Variants in SCN8A observed in about 807,000 individuals in gnomAD.
SCN8A encodes sodium voltage-gated channel alpha subunit 8, also known as sodium channel protein type 8 subunit alpha.
A neutral mutation model predicts 184.1 loss-of-function variants in SCN8A; 30 were observed. That is an observed-to-expected ratio of 0.16 (90% CI 0.12 to 0.22). SCN8A has a LOEUF of 0.22. Ranked by LOEUF, SCN8A falls within the 10% of genes least tolerant of loss-of-function variation. SCN8A has a pLI of 1.00. For missense variants in SCN8A, 1,057 were observed against 2,498.9 expected, an observed-to-expected ratio of 0.42 and a Z score of 12.30; for synonymous variants, 852 against 907.0, an observed-to-expected ratio of 0.94 and a Z score of 1.09.
intron 11 of SCN8A, among the ~76,000 whole-genome samples, chr12:51,720,369 A>G (rs1795862445): frequency 1.3e-5 from 2 of 149,488 alleles, no homozygotes; most frequent in African/African-American, 4.9e-5. Context: ...AAAACCAAAT[A>G]CTGCATATTC....
intron 4 of SCN8A, 30 bp from the exon 5 acceptor site, chr12:51,687,061 A>T: frequency 6.2e-7 from 1 of 1,612,468 alleles, no homozygotes; most frequent in Non-Finnish European, 8.5e-7. Flanking sequence ...CTGTCCAGAA[A>T]TTACCTCAAG....
At chr12:51,767,364 C>T (rs1942854546) in intron 16 of SCN8A, among the ~76,000 whole-genome samples, 1 of 152,196 alleles carries the variant, frequency 6.6e-6, no homozygotes, top group South Asian at 2.1e-4. Context: ...TTTTCAGGTT[C>T]CCCTTTGCTC....
intron 1 of SCN8A, among the ~76,000 whole-genome samples, chr12:51,591,650 G>T (rs1229937927): frequency 1.3e-5 from 2 of 152,168 alleles, no homozygotes; most frequent in South Asian, 2.1e-4. Flanking sequence ...CTACAGTGAG[G>T]GACACGGCCC....
At chr12:51,684,655 A>T (rs1350571533) in intron 3 of SCN8A, among the ~76,000 whole-genome samples, 1 of 152,210 alleles carries the variant, frequency 6.6e-6, no homozygotes, top group East Asian at 1.9e-4. Context: ...GAGGTTTTTG[A>T]AAGTCCTTCT....
chr12:51,686,302 G>T, intron 3 of SCN8A, 66 bp from the exon 4 acceptor site: 1 of 921,234 alleles, frequency 1.1e-6, no homozygotes, highest in Non-Finnish European at 1.8e-6. Flanking sequence ...CAATGGAAAT[G>T]TGTTTGTTTT....
At chr12:51,747,754 A>T (rs971536497) in intron 13 of SCN8A, among the ~76,000 whole-genome samples, 1 of 152,116 alleles carries the variant, frequency 6.6e-6, no homozygotes, top group Non-Finnish European at 1.5e-5. Context: ...TGAGTTGGAT[A>T]CAAACCATTG....
chr12:51,677,818 G>A (rs894789308), intron 2 of SCN8A, among the ~76,000 whole-genome samples: 2 of 152,182 alleles, frequency 1.3e-5, no homozygotes, highest in African/African-American at 4.8e-5. Context: ...TTCAGTGGCT[G>A]TTGTTGTAAA....
chr12:51,593,487 A>G (rs1040101762), intron 1 of SCN8A, among the ~76,000 whole-genome samples: 2 of 152,204 alleles, frequency 1.3e-5, no homozygotes, highest in Admixed American at 6.5e-5. Flanking sequence ...AGGATAATCA[A>G]GTGGAATACT....
intron 2 of SCN8A, among the ~76,000 whole-genome samples, chr12:51,672,413 A>G (rs1367239605): frequency 6.6e-6 from 1 of 152,086 alleles, no homozygotes; most frequent in Non-Finnish European, 1.5e-5. Context: ...CCTGACTCTT[A>G]TATCTCTTTA....
At chr12:51,755,310 T>C (rs1452418298) in intron 14 of SCN8A, among the ~76,000 whole-genome samples, 1 of 152,260 alleles carries the variant, frequency 6.6e-6, no homozygotes, top group African/African-American at 2.4e-5. Context: ...TTATCTGAGT[T>C]ACAATCCATT....
intron 2 of SCN8A, among the ~76,000 whole-genome samples, chr12:51,667,459 A>G (rs573915508): frequency 1.1e-4 from 16 of 151,594 alleles, no homozygotes; most frequent in South Asian, 1.0e-3. Context: ...CTCCTGGGCA[A>G]CCTCCATCTC....
At chr12:51,738,667 G>C (rs898605838) in intron 12 of SCN8A, among the ~76,000 whole-genome samples, 1 of 152,314 alleles carries the variant, frequency 6.6e-6, no homozygotes, top group East Asian at 1.9e-4. Context: ...TCCTGGCTCT[G>C]CTTTCCAGGG....
chr12:51,693,862 A>G (rs1248910023), intron 6 of SCN8A, among the ~76,000 whole-genome samples: 1 of 152,178 alleles, frequency 6.6e-6, no homozygotes, highest in Non-Finnish European at 1.5e-5. Flanking sequence ...CATTGCTTCA[A>G]ACCACTTAGA....
intron 2 of SCN8A, among the ~76,000 whole-genome samples, chr12:51,682,588 G>T (rs1192779633): frequency 6.6e-6 from 1 of 152,012 alleles, no homozygotes; most frequent in Non-Finnish European, 1.5e-5. Context: ...TGGCATCGAA[G>T]GTTATCATTA....
In SCN8A at chr12:51,806,355, T is replaced by C. The variant is rs1330719632; in HGVS notation, c.4869T>C (p.Arg1623=). Residue 1623 remains arginine (R), a synonymous_variant, in exon 27 of 27, where the codon CGT becomes CGC. Coordinates refer to ENST00000627620, the MANE Select transcript of SCN8A (RefSeq NM_001330260.2). The surrounding 1 kb of genome is among the most constrained non-coding windows in gnomAD (Gnocchi z 8.7). The part of the protein sequence containing the change: ...PTLFRVIRLA[R]IGRILRLIKG... ...TATTCCGAGTCATCCGATTGGCCCGTATTGGGCGCATCTTGCGTCTGATCA... is the reference window on the plus strand; with the variant it reads ...TATTCCGAGTCATCCGATTGGCCCGCATTGGGCGCATCTTGCGTCTGATCA... 1.3e-6 allele frequency: 2 copies of C among 1,588,626 alleles called. No homozygotes were observed. Among genetic ancestry groups the C allele is most frequent in the Admixed American group, 3.4e-5 (2 of 58,710 alleles).
chr12:51,681,117 G>A (rs1380002788), intron 2 of SCN8A, among the ~76,000 whole-genome samples: 1 of 152,090 alleles, frequency 6.6e-6, no homozygotes, highest in African/African-American at 2.4e-5. Context: ...TTAGGTCTTG[G>A]GGCATGGGCC....
intron 15 of SCN8A, among the ~76,000 whole-genome samples, chr12:51,764,096 A>T (rs1225004205): frequency 6.6e-6 from 1 of 152,218 alleles, no homozygotes; most frequent in African/African-American, 2.4e-5. Context: ...TTAATAAATT[A>T]AAAAGCCACT....
Position 51,806,945 on chromosome 12 carries a change from G to A in SCN8A, c.5459G>A (p.Arg1820Gln), listed in dbSNP as rs919754724. 3.7e-6 allele frequency: 6 copies of A among 1,613,678 alleles called. No homozygotes were observed. Among genetic ancestry groups the A allele is most frequent in the Non-Finnish European group, 4.2e-6 (5 of 1,179,604 alleles). ...DFADALEHPL[R>Q]VPKPNTIELI... ...GCAGATGCCTTGGAGCATCCTCTCC[G>A]AGTGCCCAAGCCCAATACCATTGAG... Residue 1820 changes from arginine to glutamine, a missense_variant, in exon 27 of 27, where the codon CGA becomes CAA. By Grantham distance (43) the Arg-to-Gln change is conservative. Coordinates refer to ENST00000627620, the MANE Select transcript of SCN8A (RefSeq NM_001330260.2). This position sits in a 1 kb window ranked among gnomAD's most constrained non-coding sequence, Gnocchi z 8.7.
chr12:51,757,939 A>G lies in SCN8A; in HGVS notation c.2371-4564A>G, dbSNP rs1942701930. 3.3e-5 allele frequency among the ~76,000 whole-genome samples: 5 copies of G among 152,250 alleles called. No individual in the cohort carries two copies. The South Asian group carries it at 1.0e-3, about 31-fold the overall frequency. On this transcript the variant is annotated intron_variant, in intron 14 of 26. Coordinates refer to ENST00000627620, the MANE Select transcript of SCN8A (RefSeq NM_001330260.2). ...TTAAATAAAAGTGCTATGTCTATTG[A>G]TATTTATCATGTTTGAAATTAAAAC... is the stretch of plus-strand genomic sequence containing the variant.
Sources: allele counts gnomAD v4.1 joint callset (sites outside exome capture counted in the v4.1 genomes callset), GRCh38; gene constraint gnomAD v4.1.1; non-coding constraint Gnocchi (gnomAD v3.1); transcripts MANE v1.5; gene names NCBI Gene and HGNC (gene_info 2026-07-23, HGNC 2026-07-21).